Variants in WDR41 observed in about 807,000 individuals in gnomAD.
The protein encoded by WDR41 is WD repeat-containing protein 41.
In WDR41, 63 loss-of-function variants were observed where a neutral mutation model predicts 69.3. That is an observed-to-expected ratio of 0.91 (90% CI 0.74 to 1.12). The LOEUF is 1.12. WDR41 is among the 50% of genes most tolerant of loss of function. WDR41 has a pLI of 0.00. For synonymous variants in WDR41, 185 were observed against 192.1 expected (o/e 0.96, Z 0.31); for missense variants, 543 against 534.5 (o/e 1.02, Z -0.16).
At chr5:77,455,695 T>C (rs1799801957) in intron 5 of WDR41, among the ~76,000 whole-genome samples, 1 of 152,208 alleles carries the variant, frequency 6.6e-6, no homozygotes, top group Non-Finnish European at 1.5e-5. Context: ...GCATCATTTT[T>C]TGAAGAGACT....
intron 1 of WDR41, among the ~76,000 whole-genome samples, chr5:77,566,485 C>T (rs545527738): frequency 6.6e-6 from 1 of 152,200 alleles, no homozygotes; most frequent in East Asian, 1.9e-4. Context: ...AAAAATTCCC[C>T]CTTACCCAAA....
At chr5:77,469,802 T>C (rs149261519) in intron 2 of WDR41, among the ~76,000 whole-genome samples, 8,773 of 152,172 alleles carry the variant, frequency 0.058, 429 homozygotes, top group South Asian at 0.13. Flanking sequence ...CTACGTCTGA[T>C]TGGTGTAACT....
At chr5:77,604,943 G>T (rs1435078695) in intron 1 of WDR41, among the ~76,000 whole-genome samples, 2 of 152,006 alleles carry the variant, frequency 1.3e-5, no homozygotes, top group African/African-American at 4.8e-5. Context: ...TAATCAAATT[G>T]GTTCTTAATG....
At chr5:77,535,133 G>A (rs1054662868) in intron 1 of WDR41, among the ~76,000 whole-genome samples, 8 of 152,140 alleles carry the variant, frequency 5.3e-5, no homozygotes, top group Admixed American at 5.2e-4. Flanking sequence ...CTATCTTGCT[G>A]AGTTCCTCTT....
At chr5:77,467,345 G>A (rs905390650) in intron 2 of WDR41, among the ~76,000 whole-genome samples, 6 of 151,912 alleles carry the variant, frequency 3.9e-5, no homozygotes, top group South Asian at 2.1e-4. Context: ...GTGTGATTCC[G>A]TGCTAGGAGT....
At chr5:77,568,393 T>C (rs1016002807) in intron 1 of WDR41, among the ~76,000 whole-genome samples, 1 of 152,174 alleles carries the variant, frequency 6.6e-6, no homozygotes, top group Non-Finnish European at 1.5e-5. Flanking sequence ...GGATCATCTG[T>C]TGTTTAAACT....
At chr5:77,567,076 A>G (rs1305612893) in intron 1 of WDR41, among the ~76,000 whole-genome samples, 1 of 152,196 alleles carries the variant, frequency 6.6e-6, no homozygotes, top group Non-Finnish European at 1.5e-5. Flanking sequence ...AGGTAGAGCG[A>G]CAGAGTCCAT....
At position 77,440,881 on chromosome 5, in the gene WDR41, G is replaced by A. The variant is rs1799131738; in HGVS notation, c.814C>T (p.Gln272Ter). Residue 272 changes from glutamine (Q) to a stop codon, truncating the protein, a stop_gained, in exon 9 of 13, where the codon CAA becomes TAA. Coordinates refer to ENST00000296679, the MANE Select transcript of WDR41 (RefSeq NM_018268.4). LOFTEE classifies it high-confidence loss of function. ...TTTTGACAGAGTTTTATTTCTTGTTGGGTGTCCAGTTGTGGAGATGGGTCC... is the reference window on the plus strand; with the variant it reads ...TTTTGACAGAGTTTTATTTCTTGTTAGGTGTCCAGTTGTGGAGATGGGTCC... Reference protein sequence around the residue: ...FWDPSPQLDTQQEIKLCQKSN... With the variant: ...FWDPSPQLDT The A allele has an allele frequency of 1.9e-6, 3 of 1,614,104 alleles. No individual in the cohort carries two copies. The highest frequency in any genetic ancestry group is 2.5e-6 in the Non-Finnish European group (3 of 1,180,024).
chr5:77,605,361 T>C (rs575739299), intron 1 of WDR41, among the ~76,000 whole-genome samples: 32 of 152,306 alleles, frequency 2.1e-4, no homozygotes, highest in African/African-American at 6.0e-4. Context: ...CTGCCAGATT[T>C]CCCAAAGCAG....
intron 1 of WDR41, among the ~76,000 whole-genome samples, chr5:77,525,234 T>C (rs1018980119): frequency 6.6e-5 from 10 of 152,198 alleles, no homozygotes; most frequent in Non-Finnish European, 1.3e-4. Context: ...ATAGTAAAAA[T>C]GAATTCATAT....
intron 1 of WDR41, among the ~76,000 whole-genome samples, chr5:77,586,721 CT>C (rs763627760): frequency 2.3e-3 from 305 of 130,076 alleles, no homozygotes; most frequent in Middle Eastern, 0.012. Context: ...ATTATCTAAA[CT>C]TTTTTTTTTT....
At chr5:77,464,489 C>T (rs913075694) in intron 3 of WDR41, among the ~76,000 whole-genome samples, 3 of 151,768 alleles carry the variant, frequency 2.0e-5, no homozygotes, top group Admixed American at 6.6e-5. Flanking sequence ...CCAAGTTATC[C>T]GTTCGCCTTG....
At chr5:77,587,061 C>G (rs973637420) in intron 1 of WDR41, among the ~76,000 whole-genome samples, 4 of 26,056 alleles carry the variant, frequency 1.5e-4, no homozygotes, top group Admixed American at 5.1e-4. Flanking sequence ...AAACCACCAC[C>G]CAGATCAAGA....
intron 9 of WDR41, among the ~76,000 whole-genome samples, chr5:77,439,190 TACTC>T (rs1799062605): frequency 6.6e-6 from 1 of 152,302 alleles, no homozygotes; most frequent in Non-Finnish European, 1.5e-5. Context: ...CATCCATTCT[TACTC>T]AATAGATATC....
In WDR41 at chr5:77,471,969, A is replaced by G. The variant is rs146486162; in HGVS notation, c.168-7160T>C. Among the ~76,000 whole-genome samples, 596 of 152,290 alleles carry G rather than the reference A, an allele frequency of 3.9e-3. 3 individuals carry two copies. Among genetic ancestry groups the G allele is most frequent in the African/African-American group, 0.012 (510 of 41,562 alleles). On this transcript the variant is annotated intron_variant, in intron 2 of 12. Transcript: ENST00000296679. The stretch of plus-strand genomic sequence containing the variant: ...ACCAAAGCCGGGCAGAGACATAACC[A>G]AAAAAGAGAATTTTAGACCAATAAC...
rs745437468 is a variant in WDR41 at position 77,449,900 on chromosome 5, T to A, written c.587-30A>T. On this transcript the variant is annotated intron_variant, in intron 7 of 12. Coordinates refer to ENST00000296679, the MANE Select transcript of WDR41 (RefSeq NM_018268.4). ...ATGAAAAAGACAGATAAAATTTTAT[T>A]ACAATGCTCTAAGAGGATAAAATAC... 139 of 1,428,034 alleles carry A rather than the reference T, an allele frequency of 9.7e-5. 1 individual carries two copies. The highest frequency in any genetic ancestry group is 1.3e-4 in the Non-Finnish European group (129 of 1,013,212). 88.5% of individuals were successfully genotyped at this position (1,428,034 alleles called of 1,614,324 possible). A position where few individuals can be genotyped will look rare whatever the true frequency, so the allele number is the denominator to read the frequency against.
upstream of WDR41, among the ~76,000 whole-genome samples, chr5:77,494,711 G>A (rs1581772637): frequency 6.6e-6 from 1 of 152,068 alleles, no homozygotes; most frequent in South Asian, 2.1e-4. Flanking sequence ...TACAACAATG[G>A]TAGCAGACTT....
intron 4 of WDR41, among the ~76,000 whole-genome samples, chr5:77,460,786 T>C (rs1363033938): frequency 6.6e-6 from 1 of 152,182 alleles, no homozygotes; most frequent in Admixed American, 6.5e-5. Flanking sequence ...ACCTGTCACA[T>C]GATGTCAGGT....
intron 1 of WDR41, among the ~76,000 whole-genome samples, chr5:77,617,177 G>A (rs1422238424): frequency 5.3e-5 from 8 of 152,162 alleles, no homozygotes; most frequent in Admixed American, 5.2e-4. Flanking sequence ...GCCACATGTG[G>A]GTTTTGAGCA....
Sources: allele counts gnomAD v4.1 joint callset (sites outside exome capture counted in the v4.1 genomes callset), GRCh38; gene constraint gnomAD v4.1.1; transcripts MANE v1.5; gene names NCBI Gene and HGNC (gene_info 2026-07-23, HGNC 2026-07-21).